The following FNDC3B variants were observed in gnomAD, a reference collection of about 807,000 sequenced individuals.
FNDC3B encodes fibronectin type III domain containing 3B, also known as fibronectin type III domain-containing protein 3B.
A neutral mutation model predicts 151.5 loss-of-function variants in FNDC3B; 12 were observed. The observed-to-expected ratio is 0.08, with a 90% CI of 0.05 to 0.13. FNDC3B has a LOEUF of 0.13. FNDC3B is among the 10% of genes least tolerant of loss of function. FNDC3B has a pLI of 1.00. For synonymous variants in FNDC3B, 528 were observed against 549.0 expected (o/e 0.96, Z 0.54); for missense variants, 1,214 against 1,505.3 (o/e 0.81, Z 3.20).
rs1736517419 is a variant in FNDC3B, at chr3:172,400,516, AAAAG to A, written c.*3045_*3048del. On this transcript the variant is annotated 3_prime_UTR_variant, in exon 26 of 26. Transcript: ENST00000415807. ...TTCCAAGCTTTTCAACTCTAGGAGA[AAAAG>A]AAAATCATGTTTTCCTGTATTGTAA... The A allele has an allele frequency of 6.6e-6, 1 of 152,666 alleles. No individual in the cohort carries two copies. The highest frequency in any genetic ancestry group is 1.5e-5 in the Non-Finnish European group (1 of 68,042). 9.5% of individuals were successfully genotyped at this position (152,666 alleles called of 1,614,324 possible).
At chr3:172,349,121 C>G (rs1366769623) in intron 21 of FNDC3B, among the ~76,000 whole-genome samples, 2 of 149,928 alleles carry the variant, frequency 1.3e-5, no homozygotes, top group African/African-American at 5.0e-5. Context: ...AAAACCCCTC[C>G]TCTACAAAAA....
At chr3:172,324,678 C>CT (rs34787122) in intron 11 of FNDC3B, among the ~76,000 whole-genome samples, 1 of 152,240 alleles carries the variant, frequency 6.6e-6, no homozygotes, top group South Asian at 2.1e-4. Flanking sequence ...AAAATCTGCC[C>CT]TTTTTTTGGC....
chr3:172,198,710 C>G (rs1025749124), intron 3 of FNDC3B, among the ~76,000 whole-genome samples: 1 of 152,152 alleles, frequency 6.6e-6, no homozygotes, highest in Admixed American at 6.5e-5. Flanking sequence ...TGCGCTGTTC[C>G]CACATCTAGA....
chr3:172,062,323 T>G (rs1281336092), intron 1 of FNDC3B, among the ~76,000 whole-genome samples: 1 of 151,908 alleles, frequency 6.6e-6, no homozygotes, highest in East Asian at 1.9e-4. Context: ...TTCTTTTTTT[T>G]TTTTTTGAGA....
chr3:172,184,194 C>T (rs1724058588), intron 3 of FNDC3B: 1 of 152,224 alleles, frequency 6.6e-6, no homozygotes, highest in African/African-American at 2.4e-5. Flanking sequence ...CCCTTTTAAT[C>T]TCTGCGCTCT....
rs145140096 is a variant in FNDC3B at position 172,076,717 on chromosome 3, A to G, written c.-28-35735A>G. ...TGAGGTTCAGACTGGTTAAAGGAAG[A>G]TTGAAAGTTTCCATTGTATTTGATA... On this transcript the variant is annotated intron_variant, in intron 1 of 25. Transcript: ENST00000415807. Among the ~76,000 whole-genome samples the G allele has an allele frequency of 7.9e-5, 12 of 152,332 alleles. No individual in the cohort carries two copies. The East Asian group carries it at 2.3e-3, about 29-fold the overall frequency.
rs1734597729 is a variant in FNDC3B, at chr3:172,365,864, CATATT to C, written c.3008+3021_3008+3025del. 2.0e-5 allele frequency among the ~76,000 whole-genome samples: 3 copies of C among 152,246 alleles called. No individual in the cohort carries two copies. The South Asian group carries it at 6.2e-4, about 32-fold the overall frequency. Reference sequence around the variant, plus strand: ...TAGTATATCTGCGCTTCATAATTATCATATTAAAGAGTTGAGTCGATTTTAGCAAC... The same window carrying C: ...TAGTATATCTGCGCTTCATAATTATCAAAGAGTTGAGTCGATTTTAGCAAC... On this transcript the variant is annotated intron_variant, in intron 23 of 25. Transcript: ENST00000415807.
chr3:172,140,891 C>T (rs935819831), intron 3 of FNDC3B, among the ~76,000 whole-genome samples: 5 of 152,108 alleles, frequency 3.3e-5, no homozygotes, highest in African/African-American at 1.2e-4. Context: ...GAATGTTAAA[C>T]CCTTAGATAA....
chr3:172,090,238 T>A (rs891843947), intron 1 of FNDC3B, among the ~76,000 whole-genome samples: 2 of 152,176 alleles, frequency 1.3e-5, no homozygotes, highest in Non-Finnish European at 2.9e-5. Flanking sequence ...CTTGGTGCTT[T>A]TTTCTAACCA....
At chr3:172,347,987 T>C (rs56052505) in intron 21 of FNDC3B, among the ~76,000 whole-genome samples, 13,914 of 152,260 alleles carry the variant, frequency 0.091, 704 homozygotes, top group Middle Eastern at 0.17. Flanking sequence ...TATATTATTA[T>C]TTTTTCTGTG....
rs10561622 is a variant in FNDC3B at position 172,149,806 on chromosome 3, G to GTTTT, written c.187+16287_187+16290dup. On this transcript the variant is annotated intron_variant, in intron 3 of 25. Coordinates refer to ENST00000415807, the MANE Select transcript of FNDC3B (RefSeq NM_022763.4). ...TGTGTATACCTTTTGTATGTTGGGT[G>GTTTT]TTTTTTTTTTTTTTTTTTTTTTTTT... is the stretch of plus-strand genomic sequence containing the variant. Among the ~76,000 whole-genome samples the GTTTT allele has an allele frequency of 5.3e-3, 276 of 52,500 alleles. 67 individuals carry two copies. Among genetic ancestry groups the GTTTT allele is most frequent in the African/African-American group, 0.02 (256 of 12,768 alleles). 34.4% of individuals were successfully genotyped at this position (52,500 alleles called of 152,430 possible).
chr3:172,262,416 C>T (rs1728691476), intron 6 of FNDC3B, among the ~76,000 whole-genome samples: 1 of 152,146 alleles, frequency 6.6e-6, no homozygotes, highest in African/African-American at 2.4e-5. Context: ...TGGATTAGAG[C>T]ATCCACTGCC....
intron 6 of FNDC3B, among the ~76,000 whole-genome samples, chr3:172,253,573 G>A (rs1166037367): frequency 2.0e-5 from 3 of 152,126 alleles, no homozygotes; most frequent in Non-Finnish European, 2.9e-5. Flanking sequence ...CTTCTTAACT[G>A]ATTCTTAAGT....
chr3:172,359,565 C>T (rs1734268581), intron 22 of FNDC3B, among the ~76,000 whole-genome samples: 1 of 152,194 alleles, frequency 6.6e-6, no homozygotes. Context: ...TAATGTCCGG[C>T]TTAATTTCCT....
chr3:172,204,108 C>A (rs1363098774), intron 3 of FNDC3B, among the ~76,000 whole-genome samples: 2 of 152,214 alleles, frequency 1.3e-5, no homozygotes, highest in African/African-American at 4.8e-5. Flanking sequence ...GAACATATTG[C>A]TGCCTCTGTG....
At chr3:172,277,163 T>G (rs1362911687) in intron 6 of FNDC3B, among the ~76,000 whole-genome samples, 1 of 152,148 alleles carries the variant, frequency 6.6e-6, no homozygotes. Flanking sequence ...TAAGTAGAGA[T>G]CAAATGTGAG....
At position 172,297,081 on chromosome 3, in the gene FNDC3B, C is replaced by T. The variant is rs541371515; in HGVS notation, c.1001+1567C>T. On this transcript the variant is annotated intron_variant, in intron 8 of 25. Transcript: ENST00000415807. Reference sequence around the variant, plus strand: ...TGAACAGGAGAGCTCCTGTTGCCATCGAAAGGAAGCAGTCACCACTCAGCC... The same window carrying T: ...TGAACAGGAGAGCTCCTGTTGCCATTGAAAGGAAGCAGTCACCACTCAGCC... 1.8e-4 allele frequency among the ~76,000 whole-genome samples: 28 copies of T among 152,180 alleles called. No individual in the cohort carries two copies. In the East Asian group the frequency reaches 4.4e-3, roughly 24 times the overall value.
chr3:172,356,705 C>T (rs571530510), intron 22 of FNDC3B, among the ~76,000 whole-genome samples: 49 of 152,288 alleles, frequency 3.2e-4, no homozygotes, highest in Admixed American at 1.3e-3. Flanking sequence ...ATCTTTTCCC[C>T]ACCAAAAGGG....
intron 6 of FNDC3B, among the ~76,000 whole-genome samples, chr3:172,278,611 C>T (rs1355732953): frequency 2.0e-5 from 3 of 152,108 alleles, no homozygotes; most frequent in Admixed American, 1.3e-4. Context: ...CATCCCTGTA[C>T]AATTTGATGT....
Sources: gnomAD v4.1 joint callset for allele counts (sites outside exome capture counted in the v4.1 genomes callset) on GRCh38, gnomAD v4.1.1 for gene constraint, MANE v1.5 for transcripts, NCBI Gene and HGNC (gene_info 2026-07-23, HGNC 2026-07-21) for gene names.